The following TRAF3 variants were observed in gnomAD, a reference collection of about 807,000 sequenced individuals.
TRAF3 encodes TNF receptor-associated factor 3.
In TRAF3, 13 loss-of-function variants were observed where a neutral mutation model predicts 62.3. The observed-to-expected ratio is 0.21, with a 90% CI of 0.14 to 0.33. The LOEUF is 0.33. TRAF3 is among the 10% of genes least tolerant of loss of function. The pLI is 1.00. For missense variants in TRAF3, 440 were observed against 741.8 expected (o/e 0.59, Z 4.73); for synonymous variants, 269 against 283.4 (o/e 0.95, Z 0.51).
chr14:102,871,551 C>T (rs970045283), intron 3 of TRAF3, among the ~76,000 whole-genome samples: 6 of 151,758 alleles, frequency 4.0e-5, no homozygotes, highest in Non-Finnish European at 8.8e-5. Flanking sequence ...GCTGCTTTTA[C>T]AACGCAGGAG....
chr14:102,822,687 C>T (rs1243499263), intron 1 of TRAF3, among the ~76,000 whole-genome samples: 1 of 152,156 alleles, frequency 6.6e-6, no homozygotes, highest in African/African-American at 2.4e-5. Flanking sequence ...TGTGAGTCGA[C>T]ATGATTCTCT....
rs114791576 is a variant in TRAF3 at position 102,848,929 on chromosome 14, G to C, written c.-18+18457G>C. Among the ~76,000 whole-genome samples the C allele has an allele frequency of 6.5e-3, 989 of 152,286 alleles. 12 individuals are homozygous for C. The highest frequency in any genetic ancestry group is 0.023 in the African/African-American group (947 of 41,562). ...TCACCAGGAGGCACACATCTGCACT[G>C]ATGTGAGATCCAGTGTTGTTGTTGT... On this transcript the variant is annotated intron_variant, in intron 2 of 11. Coordinates refer to ENST00000392745, the MANE Select transcript of TRAF3 (RefSeq NM_145725.3).
At chr14:102,866,213 G>A (rs1887982403) in intron 2 of TRAF3, among the ~76,000 whole-genome samples, 1 of 152,210 alleles carries the variant, frequency 6.6e-6, no homozygotes, top group South Asian at 2.1e-4. Context: ...TCACTCGTAA[G>A]TGGGAGTTGA....
intron 2 of TRAF3, among the ~76,000 whole-genome samples, chr14:102,854,688 G>A (rs1193880251): frequency 2.6e-5 from 4 of 152,022 alleles, no homozygotes; most frequent in East Asian, 1.9e-4. Context: ...TTGTAGAGAT[G>A]GGGTTTTTTA....
intron 1 of TRAF3, among the ~76,000 whole-genome samples, chr14:102,814,881 G>T (rs753648144): frequency 7.2e-5 from 11 of 152,154 alleles, no homozygotes; most frequent in Non-Finnish European, 1.3e-4. Context: ...TTTAAATGAA[G>T]TCCAGTTTAT....
At chr14:102,868,593 C>T (rs760834209) in intron 2 of TRAF3, among the ~76,000 whole-genome samples, 7 of 152,120 alleles carry the variant, frequency 4.6e-5, no homozygotes, top group African/African-American at 1.4e-4. Flanking sequence ...AAACACTGGC[C>T]GACATTCCCA....
chr14:102,824,302 C>T (rs541279969), intron 1 of TRAF3, among the ~76,000 whole-genome samples: 2 of 152,354 alleles, frequency 1.3e-5, no homozygotes, highest in Admixed American at 1.3e-4. Flanking sequence ...GGCAGAATTG[C>T]AGTCTCTTTC....
At chr14:102,833,089 CACAT>C (rs1885748440) in intron 2 of TRAF3, among the ~76,000 whole-genome samples, 1 of 152,218 alleles carries the variant, frequency 6.6e-6, no homozygotes, top group African/African-American at 2.4e-5. Context: ...TCGTCTCACA[CACAT>C]GCACACCCTG....
At chr14:102,787,307 A>G (rs1052175081) in intron 1 of TRAF3, among the ~76,000 whole-genome samples, 8 of 152,238 alleles carry the variant, frequency 5.3e-5, no homozygotes, top group South Asian at 2.1e-4. Flanking sequence ...TTAAAAAGCA[A>G]TTTTAACATA....
chr14:102,851,590 G>T (rs1349349510), intron 2 of TRAF3, among the ~76,000 whole-genome samples: 1 of 152,110 alleles, frequency 6.6e-6, no homozygotes. Flanking sequence ...TAAAAATACA[G>T]AAAATTAGCC....
chr14:102,850,410 T>C (rs1886963740), intron 2 of TRAF3, among the ~76,000 whole-genome samples: 1 of 152,062 alleles, frequency 6.6e-6, no homozygotes, highest in South Asian at 2.1e-4. Context: ...AGAATAAGAA[T>C]TGCAGGCCGA....
intron 1 of TRAF3, among the ~76,000 whole-genome samples, chr14:102,817,457 G>A (rs1308608224): frequency 6.6e-6 from 1 of 152,156 alleles, no homozygotes; most frequent in Non-Finnish European, 1.5e-5. Context: ...GGAAGGCAGG[G>A]TGTTCAGGAG....
intron 2 of TRAF3, among the ~76,000 whole-genome samples, chr14:102,835,324 A>G (rs1208906414): frequency 2.0e-5 from 3 of 149,604 alleles, no homozygotes; most frequent in Admixed American, 1.3e-4. Context: ...TAGTTCAACC[A>G]TTGTGGAAAG....
chr14:102,807,882 C>T (rs949825494), intron 1 of TRAF3, among the ~76,000 whole-genome samples: 5 of 151,876 alleles, frequency 3.3e-5, no homozygotes, highest in South Asian at 2.1e-4. Context: ...GGCCTTTTTA[C>T]GAAAAAGGAA....
chr14:102,848,187 AT>A (rs1376232212), intron 2 of TRAF3, among the ~76,000 whole-genome samples: 1 of 152,174 alleles, frequency 6.6e-6, no homozygotes, highest in Non-Finnish European at 1.5e-5. Flanking sequence ...CTAACTTGTG[AT>A]TGAGTGGCTG....
At chr14:102,784,229 T>G (rs1595276368) in intron 1 of TRAF3, among the ~76,000 whole-genome samples, 1 of 40,608 alleles carries the variant, frequency 2.5e-5, no homozygotes, top group African/African-American at 4.5e-5. Context: ...TTTTTTTTTT[T>G]TTTTTTTTTT....
chr14:102,788,856 A>C (rs964263415), intron 1 of TRAF3, among the ~76,000 whole-genome samples: 2 of 152,130 alleles, frequency 1.3e-5, no homozygotes, highest in South Asian at 4.1e-4. Context: ...ATGTAGTCCC[A>C]CCTACTCCAG....
intron 1 of TRAF3, among the ~76,000 whole-genome samples, chr14:102,813,849 T>G (rs1280025820): frequency 6.6e-6 from 1 of 152,220 alleles, no homozygotes; most frequent in Non-Finnish European, 1.5e-5. Context: ...CGCAAATACT[T>G]TCTCCCATTC....
At chr14:102,875,534 T>TG in intron 4 of TRAF3, 90 bp from the exon 5 acceptor site, 1 of 1,106,530 alleles carries the variant, frequency 9.0e-7, no homozygotes, top group Non-Finnish European at 1.3e-6. Flanking sequence ...TCTTGTTTTT[T>TG]TTTTTTAAGT....
Sources: gnomAD v4.1 joint callset for allele counts (sites outside exome capture counted in the v4.1 genomes callset) on GRCh38, gnomAD v4.1.1 for gene constraint, MANE v1.5 for transcripts, NCBI Gene and HGNC (gene_info 2026-07-23, HGNC 2026-07-21) for gene names.